ACADM: variants seen among roughly 807,000 people sequenced by gnomAD.
ACADM encodes the protein medium-chain specific acyl-CoA dehydrogenase, mitochondrial.
A neutral mutation model predicts 58.9 loss-of-function variants in ACADM; 49 were observed. That is an observed-to-expected ratio of 0.83 (90% CI 0.66 to 1.06). The LOEUF (loss-of-function observed/expected upper bound fraction) is 1.06. Ranked by LOEUF, ACADM falls within the 50% of genes least tolerant of loss-of-function variation. ACADM has a pLI of 0.00. For missense variants in ACADM, 496 were observed against 507.0 expected (o/e 0.98, Z 0.21); for synonymous variants, 160 against 157.7 (o/e 1.01, Z -0.11).
In ACADM at chr1:75,736,173, T is replaced by TACACACACACACACACACACACAC. The variant is rs10647103; in HGVS notation, c.468+1311_468+1334dup. Among the ~76,000 whole-genome samples the TACACACACACACACACACACACAC allele has an allele frequency of 1.2e-3, 177 of 144,552 alleles. 2 individuals carry two copies. The highest frequency in any genetic ancestry group is 4.5e-3 in the African/African-American group (174 of 38,472). 94.8% of individuals were successfully genotyped at this position (144,552 alleles called of 152,430 possible). The stretch of plus-strand genomic sequence containing the variant: ...AACAAGATAAATACACACACAGACA[T>TACACACACACACACACACACACAC]ACACACACACACACACACACACACA... On this transcript the variant is annotated intron_variant, in intron 6 of 11. Transcript: ENST00000370841.
intron 9 of ACADM, 69 bp downstream of exon 9, chr1:75,749,628 T>C: frequency 5.8e-6 from 8 of 1,379,044 alleles, no homozygotes; most frequent in South Asian, 1.3e-5. Context: ...ATTTTTACTT[T>C]AAAATTGTAT....
chr1:75,746,873 A>G (rs1647933385), intron 8 of ACADM, among the ~76,000 whole-genome samples: 1 of 152,192 alleles, frequency 6.6e-6, no homozygotes. Context: ...TGCTGGGATT[A>G]CAGGCATGAG....
chr1:75,757,316 A>G (rs1425440797), intron 10 of ACADM, among the ~76,000 whole-genome samples: 1 of 152,242 alleles, frequency 6.6e-6, no homozygotes, highest in African/African-American at 2.4e-5. Flanking sequence ...CCATCTGACA[A>G]AGGGCTAATA....
At chr1:75,735,110 A>C (rs1051592822) in intron 6 of ACADM, among the ~76,000 whole-genome samples, 2 of 152,002 alleles carry the variant, frequency 1.3e-5, no homozygotes, top group Non-Finnish European at 2.9e-5. Flanking sequence ...ACTTGAGGTT[A>C]GGAGTTCACA....
intron 6 of ACADM, 100 bp downstream of exon 6, chr1:75,734,971 T>C (rs1360682083): frequency 1.1e-6 from 1 of 921,152 alleles, no homozygotes; most frequent in Non-Finnish European, 1.7e-6. Flanking sequence ...ATATTTAGCA[T>C]TGAAACAAAA....
At chr1:75,725,591 A>G (rs959304534) in intron 1 of ACADM, among the ~76,000 whole-genome samples, 11 of 151,982 alleles carry the variant, frequency 7.2e-5, no homozygotes, top group African/African-American at 9.7e-5. Flanking sequence ...GGAAGGATCT[A>G]AAAAAAACCT....
intron 2 of ACADM, among the ~76,000 whole-genome samples, chr1:75,732,071 A>G (rs1359058054): frequency 6.6e-6 from 1 of 152,132 alleles, no homozygotes; most frequent in African/African-American, 2.4e-5. Flanking sequence ...AAGATCATTT[A>G]AGGCCAGGAG....
intron 7 of ACADM, chr1:75,744,300 A>G (rs956786763): frequency 4.3e-6 from 7 of 1,613,496 alleles, no homozygotes; most frequent in Non-Finnish European, 4.2e-6. Flanking sequence ...CTGCAGCAGC[A>G]GGAGCTTCAG....
intron 8 of ACADM, among the ~76,000 whole-genome samples, chr1:75,746,809 G>T (rs568899428): frequency 6.6e-6 from 1 of 152,088 alleles, no homozygotes; most frequent in Admixed American, 6.5e-5. Flanking sequence ...GTGTTGCCCA[G>T]GCTGGTCTCA....
At chr1:75,736,001 GAATA>G (rs1458032178) in intron 6 of ACADM, among the ~76,000 whole-genome samples, 18 of 151,902 alleles carry the variant, frequency 1.2e-4, no homozygotes, top group Middle Eastern at 3.4e-3. Flanking sequence ...ATAAATAAAT[GAATA>G]AATAAATAAA....
In ACADM at chr1:75,750,475, G is replaced by C. The variant is rs1648138587; in HGVS notation, c.874G>C (p.Ala292Pro). 6.2e-7 allele frequency: 1 copy of C among 1,611,984 alleles called. No individual in the cohort carries two copies. The highest frequency in any genetic ancestry group is 1.1e-5 in the South Asian group (1 of 90,732). ...GGTAGCTGCTGGTGCTGTTGGATTAGCACAAAGAGCTTTGGATGAAGCTAC... is the reference window on the plus strand; with the variant it reads ...GGTAGCTGCTGGTGCTGTTGGATTACCACAAAGAGCTTTGGATGAAGCTAC... ...PVVAAGAVGL[A>P]QRALDEATKY... The change falls in exon 10 of 12, where the codon GCA becomes CCA. Residue 292 changes from alanine (A) to proline (P), a missense_variant. Physicochemically the swap from Ala to Pro is conservative, Grantham distance 27 (BLOSUM62 -1). Transcript: ENST00000370841.
Position 75,743,629 on chromosome 1 carries a change from T to G in ACADM, c.600-2177T>G, listed in dbSNP as rs1373116827. 23 of 1,545,436 alleles carry G rather than the reference T, an allele frequency of 1.5e-5. 1 individual carries two copies. In the South Asian group the frequency reaches 2.6e-4, roughly 17 times the overall value. On this transcript the variant is annotated intron_variant, in intron 7 of 11. Coordinates refer to ENST00000370841, the MANE Select transcript of ACADM (RefSeq NM_000016.6). Reference sequence around the variant, plus strand: ...GGCAGACAGGGGGGTTGATAATGGGTGTTCAAAGAGTGAGCCAAAAACACC... The same window carrying G: ...GGCAGACAGGGGGGTTGATAATGGGGGTTCAAAGAGTGAGCCAAAAACACC...
At chr1:75,735,241 G>A (rs954677920) in intron 6 of ACADM, among the ~76,000 whole-genome samples, 9 of 143,898 alleles carry the variant, frequency 6.3e-5, no homozygotes, top group African/African-American at 2.1e-4. Flanking sequence ...GCTTGAACCC[G>A]AAAAGTGGAA....
At chr1:75,737,751 A>T (rs1453029876) in intron 6 of ACADM, among the ~76,000 whole-genome samples, 2 of 152,072 alleles carry the variant, frequency 1.3e-5, no homozygotes, top group African/African-American at 4.8e-5. Context: ...TTATCATTAG[A>T]AAAATATTTT....
intron 9 of ACADM, 149 bp downstream of exon 9, chr1:75,749,708 CTTTCTTTTTTTTTTTTT>C: frequency 2.1e-6 from 1 of 466,668 alleles, no homozygotes; most frequent in Non-Finnish European, 3.4e-6. Context: ...TGTTACTTTT[CTTTCTTTTTTTTTTTTT>C]TTTTTTGAGA....
rs398123072 is a variant in ACADM at position 75,732,682 on chromosome 1, C to T, written c.157C>T (p.Arg53Cys). Residue 53 changes from arginine (R) to cysteine (C), a missense_variant, in exon 3 of 12, where the codon CGT becomes TGT. Coordinates refer to ENST00000370841, the MANE Select transcript of ACADM (RefSeq NM_000016.6). ...GCAGAAAGAATTTCAAGCTACTGCTCGTAAATTTGCCAGAGAGGAAATCAT... is the reference window on the plus strand; with the variant it reads ...GCAGAAAGAATTTCAAGCTACTGCTTGTAAATTTGCCAGAGAGGAAATCAT... ...EQQKEFQATA[R>C]KFAREEIIPV... The T allele has an allele frequency of 2.0e-5, 32 of 1,613,806 alleles. No individual in the cohort carries two copies. Among genetic ancestry groups the T allele is most frequent in the East Asian group, 1.1e-4 (5 of 44,838 alleles).
At chr1:75,735,039 G>A (rs995804402) in intron 6 of ACADM, among the ~76,000 whole-genome samples, 168 bp downstream of exon 6, 4 of 152,082 alleles carry the variant, frequency 2.6e-5, no homozygotes, top group Admixed American at 1.3e-4. Context: ...ATCATAATAG[G>A]CCGAGGGCAA....
intron 10 of ACADM, among the ~76,000 whole-genome samples, chr1:75,759,727 T>C (rs1284333023): frequency 6.7e-6 from 1 of 149,222 alleles, no homozygotes; most frequent in African/African-American, 2.5e-5. Flanking sequence ...AATGGTGTGA[T>C]CTTGGCTCAC....
Position 75,733,585 on chromosome 1 carries a change from G to T in ACADM, c.344G>T (p.Gly115Val). Reference protein sequence around the residue: ...ACLISEELAYGCTGVQTAIEG... With the variant: ...ACLISEELAYVCTGVQTAIEG... The stretch of plus-strand genomic sequence containing the variant: ...TTAATTAGTGAAGAATTGGCTTATG[G>T]ATGTACAGGGGTTCAGACTGCTATT... Residue 115 changes from glycine to valine, a missense_variant, in exon 5 of 12, where the codon GGA becomes GTA. Transcript: ENST00000370841. 1 of 1,614,090 alleles carries T rather than the reference G, an allele frequency of 6.2e-7. No homozygotes were observed. The highest frequency in any genetic ancestry group is 8.5e-7 in the Non-Finnish European group (1 of 1,180,010).
Sources: allele counts gnomAD v4.1 joint callset (sites outside exome capture counted in the v4.1 genomes callset), GRCh38; gene constraint gnomAD v4.1.1; transcripts MANE v1.5; gene names NCBI Gene and HGNC (gene_info 2026-07-23, HGNC 2026-07-21).